Variants in EFR3A observed in about 807,000 individuals in gnomAD.
The protein encoded by EFR3A is protein EFR3 homolog A.
In EFR3A, 76 loss-of-function variants were observed where a neutral mutation model predicts 104.4. The observed-to-expected ratio is 0.73, with a 90% CI of 0.60 to 0.88. EFR3A has a LOEUF of 0.88. EFR3A is among the 40% of genes least tolerant of loss of function. The pLI, the probability that EFR3A is intolerant of heterozygous loss-of-function variation, is 0.00. For missense variants in EFR3A, 985 were observed against 1,012.5 expected (o/e 0.97, Z 0.37); for synonymous variants, 330 against 330.0 (o/e 1.00, Z 0.00).
intron 1 of EFR3A, among the ~76,000 whole-genome samples, chr8:131,915,561 A>G (rs769881143): frequency 6.6e-6 from 1 of 152,230 alleles, no homozygotes; most frequent in Non-Finnish European, 1.5e-5. Context: ...AATTGCTATA[A>G]CACAGAGAAT....
intron 1 of EFR3A, among the ~76,000 whole-genome samples, chr8:131,919,084 GAT>G (rs1491241842): frequency 8.1e-6 from 1 of 123,852 alleles, no homozygotes; most frequent in Admixed American, 8.1e-5. Flanking sequence ...CTTTGTCAGT[GAT>G]TTTTTTTTTT....
At chr8:131,911,677 T>TA (rs1816518219) in intron 1 of EFR3A, among the ~76,000 whole-genome samples, 4 of 152,288 alleles carry the variant, frequency 2.6e-5, no homozygotes, top group African/African-American at 9.6e-5. Flanking sequence ...GACCCAAAGA[T>TA]ACGGGGGAAA....
At chr8:132,008,912 T>C (rs1351326340) in intron 22 of EFR3A, among the ~76,000 whole-genome samples, 2 of 145,164 alleles carry the variant, frequency 1.4e-5, no homozygotes, top group Non-Finnish European at 3.0e-5. Flanking sequence ...GTGATTTACA[T>C]GGGTGTGATT....
At chr8:131,986,325 A>T in intron 17 of EFR3A, 64 bp downstream of exon 17, 1 of 773,704 alleles carries the variant, frequency 1.3e-6, no homozygotes, top group Non-Finnish European at 2.1e-6. Flanking sequence ...AGTAATAATT[A>T]TAAAGGAGTA....
intron 22 of EFR3A, among the ~76,000 whole-genome samples, chr8:132,005,048 ATGT>A (rs1480128824): frequency 2.0e-5 from 3 of 152,224 alleles, no homozygotes; most frequent in Non-Finnish European, 4.4e-5. Flanking sequence ...TTAAACACCT[ATGT>A]TGTTCTAAGC....
intron 18 of EFR3A, among the ~76,000 whole-genome samples, chr8:131,989,511 G>A (rs1426771097): frequency 1.3e-5 from 2 of 152,116 alleles, no homozygotes; most frequent in Non-Finnish European, 2.9e-5. Context: ...AGTATAGTGA[G>A]GCTAAAATTG....
Position 132,012,815 on chromosome 8 carries a change from C to T in EFR3A, c.*1920C>T, listed in dbSNP as rs1352917186. On this transcript the variant is annotated 3_prime_UTR_variant, in exon 23 of 23. Transcript: ENST00000254624. Reference sequence around the variant, plus strand: ...GCACTTACGTGAAACACAAACTTTGCTCTACAAAATTTCGTGTTTCTTAGT... The same window carrying T: ...GCACTTACGTGAAACACAAACTTTGTTCTACAAAATTTCGTGTTTCTTAGT... The T allele has an allele frequency of 6.6e-6, 1 of 152,164 alleles. No individual in the cohort carries two copies. Among genetic ancestry groups the T allele is most frequent in the East Asian group, 1.9e-4 (1 of 5,198 alleles). The allele number at this position is 152,164 out of a possible 1,614,324, so 9.4% of individuals were successfully genotyped here. A position where few individuals can be genotyped will look rare whatever the true frequency, so the allele number is the denominator to read the frequency against.
At chr8:131,931,168 C>T (rs1402128562) in intron 1 of EFR3A, among the ~76,000 whole-genome samples, 1 of 152,026 alleles carries the variant, frequency 6.6e-6, no homozygotes, top group Non-Finnish European at 1.5e-5. Flanking sequence ...GGAGTATTCA[C>T]TTTTAAAAGT....
intron 1 of EFR3A, chr8:131,924,315 C>A: frequency 4.0e-6 from 1 of 247,868 alleles, no homozygotes. Context: ...AATTTTTTCA[C>A]CAAGTAATTT....
intron 6 of EFR3A, among the ~76,000 whole-genome samples, chr8:131,954,291 A>G (rs979130287): frequency 6.6e-6 from 1 of 152,096 alleles, no homozygotes; most frequent in Non-Finnish European, 1.5e-5. Flanking sequence ...GAGAAACAGA[A>G]ATTATAGCTC....
intron 5 of EFR3A, among the ~76,000 whole-genome samples, chr8:131,952,985 A>G (rs185088801): frequency 6.0e-4 from 91 of 152,292 alleles, no homozygotes; most frequent in Non-Finnish European, 1.8e-4. Flanking sequence ...ATCATATTTG[A>G]CCAGAAGGAA....
At chr8:131,923,961 G>A (rs1340990813) in intron 1 of EFR3A, among the ~76,000 whole-genome samples, 1 of 152,000 alleles carries the variant, frequency 6.6e-6, no homozygotes, top group East Asian at 1.9e-4. Flanking sequence ...CACTGTGATT[G>A]GCATTTTTGA....
chr8:131,904,177 T>TCCCTCCA lies in EFR3A; in HGVS notation c.-131_-125dup, dbSNP rs1237503987. On this transcript the variant is annotated 5_prime_UTR_variant, in exon 1 of 23. Coordinates refer to ENST00000254624, the MANE Select transcript of EFR3A (RefSeq NM_015137.6). ...GCGTGACCGCGGGGTCCGCGTCCGC[T>TCCCTCCA]CCCTCCACCCTTCGCCCTTCGCCCT... 9.7e-7 allele frequency: 1 copy of TCCCTCCA among 1,030,634 alleles called. No homozygotes were observed. The highest frequency in any genetic ancestry group is 1.2e-6 in the Non-Finnish European group (1 of 804,150). The allele number at this position is 1,030,634 out of a possible 1,614,324, so 63.8% of individuals were successfully genotyped here.
At chr8:132,006,494 A>G (rs527749067) in intron 22 of EFR3A, among the ~76,000 whole-genome samples, 22 of 152,260 alleles carry the variant, frequency 1.4e-4, no homozygotes, top group Middle Eastern at 3.4e-3. Flanking sequence ...CACAAAAAGT[A>G]GTAAAACATC....
intron 5 of EFR3A, 69 bp downstream of exon 5, chr8:131,950,159 A>C: frequency 1.4e-6 from 2 of 1,435,522 alleles, no homozygotes; most frequent in Non-Finnish European, 1.9e-6. Flanking sequence ...CATATGTTAC[A>C]TAATGATTAC....
chr8:131,993,289 A>C (rs1045342980), intron 18 of EFR3A, among the ~76,000 whole-genome samples: 1 of 152,194 alleles, frequency 6.6e-6, no homozygotes, highest in African/African-American at 2.4e-5. Context: ...ATAACTATAC[A>C]TCATCCACAT....
chr8:131,950,470 A>T (rs1054720361), intron 5 of EFR3A, among the ~76,000 whole-genome samples: 1 of 152,134 alleles, frequency 6.6e-6, no homozygotes, highest in African/African-American at 2.4e-5. Flanking sequence ...AATTCCCTGG[A>T]TGCCCACATG....
At chr8:131,984,021 T>G in intron 14 of EFR3A, 118 bp from the exon 15 acceptor site, 1 of 803,036 alleles carries the variant, frequency 1.2e-6, no homozygotes, top group Non-Finnish European at 1.7e-6. Context: ...AACTTAAATT[T>G]CATTTCCATG....
chr8:131,906,087 A>G (rs573069967), intron 1 of EFR3A, among the ~76,000 whole-genome samples: 22 of 152,274 alleles, frequency 1.4e-4, no homozygotes, highest in African/African-American at 5.3e-4. Flanking sequence ...ATTTTTTATG[A>G]CTGAATAAAA....
Sources: allele counts gnomAD v4.1 joint callset (sites outside exome capture counted in the v4.1 genomes callset), GRCh38; gene constraint gnomAD v4.1.1; transcripts MANE v1.5; gene names NCBI Gene and HGNC (gene_info 2026-07-23, HGNC 2026-07-21).